The following JMJD1C variants were observed in gnomAD, a reference collection of about 807,000 sequenced individuals.
JMJD1C encodes jumonji domain-containing protein 1C.
Under a neutral mutation model 245.3 loss-of-function variants are expected in JMJD1C, and 31 were observed. The observed-to-expected ratio is 0.13, with a 90% CI of 0.09 to 0.17. The LOEUF is 0.17. Ranked by LOEUF, JMJD1C falls within the 10% of genes least tolerant of loss-of-function variation. The pLI is 1.00. For missense variants in JMJD1C, 2,691 were observed against 3,000.2 expected, an observed-to-expected ratio of 0.90 and a Z score of 2.41; for synonymous variants, 1,057 against 1,017.4, an observed-to-expected ratio of 1.04 and a Z score of -0.74.
At chr10:63,417,056 T>C (rs1462266378) in intron 1 of JMJD1C, among the ~76,000 whole-genome samples, 1 of 152,164 alleles carries the variant, frequency 6.6e-6, no homozygotes, top group Non-Finnish European at 1.5e-5. Flanking sequence ...GTTACATTGT[T>C]AAAACTAAAC....
chr10:63,218,536 G>A lies in JMJD1C; in HGVS notation c.554-1205C>T, dbSNP rs180972531. Among the ~76,000 whole-genome samples, 47 of 152,106 alleles carry A rather than the reference G, an allele frequency of 3.1e-4. No individual in the cohort carries two copies. The East Asian group carries it at 7.9e-3, about 26-fold the overall frequency. On this transcript the variant is annotated intron_variant, in intron 4 of 25. Transcript: ENST00000399262. ...CTAAATAATATAGGACATGCTTATA[G>A]AGTAACTCCAAATATGATCAGTTTT... is the stretch of plus-strand genomic sequence containing the variant.
intron 10 of JMJD1C, chr10:63,202,587 C>T: frequency 1.0e-6 from 1 of 985,392 alleles, no homozygotes; most frequent in Non-Finnish European, 1.2e-6. Context: ...ATTGCTGCCT[C>T]GTTCTTTACA....
chr10:63,194,922 G>A (rs1845267256), intron 13 of JMJD1C, among the ~76,000 whole-genome samples: 2 of 152,158 alleles, frequency 1.3e-5, no homozygotes. Flanking sequence ...GCATAGCATA[G>A]GGCATAACAT....
chr10:63,277,114 C>T (rs1193839788), intron 2 of JMJD1C, among the ~76,000 whole-genome samples: 2 of 151,704 alleles, frequency 1.3e-5, no homozygotes, highest in Admixed American at 1.3e-4. Flanking sequence ...ATCTCCTGAC[C>T]TCGTGATCCG....
At chr10:63,334,428 G>C (rs1942480763) in intron 2 of JMJD1C, among the ~76,000 whole-genome samples, 1 of 152,122 alleles carries the variant, frequency 6.6e-6, no homozygotes, top group African/African-American at 2.4e-5. Context: ...AGATTTTGGA[G>C]TTTTAAAAAA....
intron 2 of JMJD1C, among the ~76,000 whole-genome samples, chr10:63,287,544 A>G (rs1858137716): frequency 6.6e-6 from 1 of 152,258 alleles, no homozygotes; most frequent in Non-Finnish European, 1.5e-5. Context: ...TCGTTATGTT[A>G]TGAATGGCTA....
intron 1 of JMJD1C, among the ~76,000 whole-genome samples, chr10:63,490,799 G>A (rs1227124356): frequency 6.6e-6 from 1 of 152,146 alleles, no homozygotes; most frequent in African/African-American, 2.4e-5. Context: ...AGAAGGGCAG[G>A]AACTTTGTTT....
intron 1 of JMJD1C, among the ~76,000 whole-genome samples, chr10:63,481,883 A>C (rs1953841530): frequency 6.6e-6 from 1 of 152,210 alleles, no homozygotes; most frequent in African/African-American, 2.4e-5. Flanking sequence ...TTTCCCTTGG[A>C]TTAAAGACTC....
intron 2 of JMJD1C, among the ~76,000 whole-genome samples, chr10:63,286,179 G>A (rs1857962145): frequency 6.6e-6 from 1 of 152,168 alleles, no homozygotes; most frequent in Non-Finnish European, 1.5e-5. Context: ...ACCCTTTTAA[G>A]AATCTGACGA....
At chr10:63,450,835 A>C (rs1374045863) in intron 1 of JMJD1C, among the ~76,000 whole-genome samples, 1 of 152,166 alleles carries the variant, frequency 6.6e-6, no homozygotes, top group Non-Finnish European at 1.5e-5. Flanking sequence ...TAAGACATTC[A>C]AATTGGAAAA....
At chr10:63,431,716 A>G (rs1320548524) in intron 1 of JMJD1C, among the ~76,000 whole-genome samples, 1 of 152,196 alleles carries the variant, frequency 6.6e-6, no homozygotes, top group Non-Finnish European at 1.5e-5. Flanking sequence ...TGCACTGTGA[A>G]AAAGTACTCA....
chr10:63,494,311 C>CA lies in JMJD1C; in HGVS notation n.113+27426dup, dbSNP rs1040052739. 6.6e-3 allele frequency among the ~76,000 whole-genome samples: 741 copies of CA among 112,122 alleles called. 7 individuals carry two copies. Among genetic ancestry groups the CA allele is most frequent in the African/African-American group, 0.02 (590 of 29,054 alleles). 73.6% of individuals were successfully genotyped at this position (112,122 alleles called of 152,430 possible). A position where few individuals can be genotyped will look rare whatever the true frequency, so the allele number is the denominator to read the frequency against. Reference sequence around the variant, plus strand: ...GGGCAACATAAACGAAACTCCGTCTCAAAAAAAAAAAAAAGTTTGGAAAGT... The same window carrying CA: ...GGGCAACATAAACGAAACTCCGTCTCAAAAAAAAAAAAAAAGTTTGGAAAGT... On this transcript the variant is annotated intron_variant and non_coding_transcript_variant, in intron 1 of 3. Coordinates refer to the JMJD1C transcript ENST00000633035.
At chr10:63,198,019 T>TCCTAACATAG (rs1845638467) in intron 12 of JMJD1C, among the ~76,000 whole-genome samples, 1 of 152,214 alleles carries the variant, frequency 6.6e-6, no homozygotes. Flanking sequence ...AAGCTAATAT[T>TCCTAACATAG]TAGAGCATCT....
intron 13 of JMJD1C, among the ~76,000 whole-genome samples, chr10:63,195,943 GAA>G (rs1845409365): frequency 6.9e-6 from 1 of 144,470 alleles, no homozygotes; most frequent in African/African-American, 2.6e-5. Context: ...AAAGAAAAAA[GAA>G]TGATACGGTA....
intron 22 of JMJD1C, among the ~76,000 whole-genome samples, chr10:63,182,858 G>A (rs1252906392): frequency 6.7e-6 from 1 of 149,854 alleles, no homozygotes; most frequent in Non-Finnish European, 1.5e-5. Context: ...TTTTTTGTTT[G>A]TTCATTTTTT....
chr10:63,209,173 T>C lies in JMJD1C; in HGVS notation c.2757A>G (p.Leu919=), dbSNP rs1288464229. 3 of 1,613,906 alleles carry C rather than the reference T, an allele frequency of 1.9e-6. No individual in the cohort carries two copies. Among genetic ancestry groups the C allele is most frequent in the Middle Eastern group, 1.6e-4 (1 of 6,062 alleles). ...TPVTSADGIG[L]LSHIPVRPSS... ...AAGGTCTGACAGGAATGTGACTAAG[T>C]AATCCAATACCATCTGCTGAGGTCA... The change falls in exon 9 of 26, where the codon TTA becomes TTG. Residue 919 remains leucine, a synonymous_variant. Coordinates refer to ENST00000399262, the MANE Select transcript of JMJD1C (RefSeq NM_032776.3).
At chr10:63,204,231 T>C (rs1846346977) in intron 10 of JMJD1C, 1 of 985,166 alleles carries the variant, frequency 1.0e-6, no homozygotes, top group Admixed American at 6.2e-5. Context: ...TAATATTACT[T>C]TGGACTTGGT....
intron 3 of JMJD1C, among the ~76,000 whole-genome samples, chr10:63,231,883 G>C (rs893022928): frequency 3.9e-5 from 6 of 152,026 alleles, no homozygotes; most frequent in African/African-American, 7.2e-5. Context: ...TGTCACTCAG[G>C]CTGGAGTGCA....
chr10:63,232,280 C>T (rs1202012395), intron 3 of JMJD1C, among the ~76,000 whole-genome samples: 3 of 151,898 alleles, frequency 2.0e-5, no homozygotes, highest in Admixed American at 2.0e-4. Context: ...TCAAAGTTGT[C>T]CTGATTAAAA....
Sources: allele counts gnomAD v4.1 joint callset (sites outside exome capture counted in the v4.1 genomes callset), GRCh38; gene constraint gnomAD v4.1.1; transcripts MANE v1.5; gene names NCBI Gene and HGNC (gene_info 2026-07-23, HGNC 2026-07-21).